KLF8: variants seen among roughly 807,000 people sequenced by gnomAD.
KLF8 encodes the protein KLF transcription factor 8.
KLF8 carries 10 observed loss-of-function variants against 18.2 expected under a neutral mutation model. That is an observed-to-expected ratio of 0.55 (90% CI 0.34 to 0.93). The LOEUF (loss-of-function observed/expected upper bound fraction) is 0.93. Ranked by LOEUF, KLF8 falls within the 40% of genes least tolerant of loss-of-function variation. KLF8 has a pLI of 0.02. For synonymous variants in KLF8, 109 were observed against 97.3 expected (o/e 1.12, Z -0.71); for missense variants, 264 against 277.9 (o/e 0.95, Z 0.36).
the KLF8 span, among the ~76,000 whole-genome samples, chrX:56,194,903 G>C: frequency 1.8e-5 from 2 of 112,453 alleles, no homozygotes; most frequent in African/African-American, 6.5e-5. Flanking sequence ...AATATTTGCT[G>C]TTCTGCAGCC....
chrX:56,266,839 G>A (rs1230724036), intron 3 of KLF8: 4 of 751,933 alleles, frequency 5.3e-6, no homozygotes, highest in Middle Eastern at 7.4e-4. Flanking sequence ...ACTAAATGTA[G>A]GAGGCTGAAA....
chrX:56,277,576 C>A (rs1211945384), intron 5 of KLF8, among the ~76,000 whole-genome samples: 1 of 112,170 alleles, frequency 8.9e-6, no homozygotes, highest in Non-Finnish European at 1.9e-5. Context: ...GTGGCCACCA[C>A]CACTCGGACG....
chrX:55,925,320 C>A, the KLF8 span, among the ~76,000 whole-genome samples: 1 of 108,822 alleles, frequency 9.2e-6, no homozygotes. Context: ...ATGTATTAAC[C>A]AGACAAAAGG....
chrX:56,003,277 G>A, the KLF8 span, among the ~76,000 whole-genome samples: 2 of 110,738 alleles, frequency 1.8e-5, no homozygotes, highest in Admixed American at 1.9e-4. Context: ...GGGCATCGTG[G>A]TGTGATCCTA....
the KLF8 span, among the ~76,000 whole-genome samples, chrX:56,203,132 G>A: frequency 8.9e-6 from 1 of 111,948 alleles, no homozygotes; most frequent in Non-Finnish European, 1.9e-5. Flanking sequence ...AACTGGAGTG[G>A]ATGACATTTC....
At chrX:56,156,335 G>A in the KLF8 span, among the ~76,000 whole-genome samples, 4 of 110,599 alleles carry the variant, frequency 3.6e-5, no homozygotes, top group Non-Finnish European at 7.6e-5. Context: ...TCATCACCCA[G>A]GTATTAAGCC....
chrX:55,958,490 G>A, the KLF8 span, among the ~76,000 whole-genome samples: 1 of 111,662 alleles, frequency 9.0e-6, no homozygotes, highest in Non-Finnish European at 1.9e-5. Flanking sequence ...AATGGGGGAT[G>A]GGTAATTTTT....
At chrX:56,243,786 G>A (rs983807987) in intron 1 of KLF8, among the ~76,000 whole-genome samples, 4 of 109,631 alleles carry the variant, frequency 3.6e-5, no homozygotes, top group Non-Finnish European at 5.7e-5. Flanking sequence ...CACCTGCCAC[G>A]GCCTCCAAAA....
At chrX:56,054,093 T>C in the KLF8 span, among the ~76,000 whole-genome samples, 1 of 109,759 alleles carries the variant, frequency 9.1e-6, no homozygotes, top group Non-Finnish European at 1.9e-5. Flanking sequence ...GATGTTAAGT[T>C]GTTAAATTGA....
chrX:56,240,899 A>T (rs1381402326), intron 1 of KLF8, among the ~76,000 whole-genome samples: 1 of 111,761 alleles, frequency 8.9e-6, no homozygotes, highest in Non-Finnish European at 1.9e-5. Flanking sequence ...AATTGTGAAA[A>T]TTAAATATGT....
chrX:56,090,822 TCA>T, the KLF8 span, among the ~76,000 whole-genome samples: 1 of 111,639 alleles, frequency 9.0e-6, no homozygotes, highest in Non-Finnish European at 1.9e-5. Flanking sequence ...ATTTTTCCCC[TCA>T]GTCCATGTGT....
At chrX:56,203,401 C>A in the KLF8 span, among the ~76,000 whole-genome samples, 1 of 111,894 alleles carries the variant, frequency 8.9e-6, no homozygotes, top group African/African-American at 3.2e-5. Context: ...TGATTGTAAC[C>A]TTTGCTGTGC....
the KLF8 span, among the ~76,000 whole-genome samples, chrX:56,155,767 G>C: frequency 1.8e-5 from 2 of 111,201 alleles, no homozygotes; most frequent in Non-Finnish European, 3.8e-5. Context: ...CACCCTGATA[G>C]TGAACACAGT....
At chrX:55,981,420 A>C in the KLF8 span, among the ~76,000 whole-genome samples, 1 of 112,004 alleles carries the variant, frequency 8.9e-6, no homozygotes, top group Non-Finnish European at 1.9e-5. Flanking sequence ...CCAACTCCTC[A>C]GGATACTTTC....
At chrX:56,252,776 C>A (rs779544810) in intron 2 of KLF8, among the ~76,000 whole-genome samples, 2 of 112,120 alleles carry the variant, frequency 1.8e-5, no homozygotes, top group Non-Finnish European at 3.8e-5. Context: ...GCTCAATTTT[C>A]AATTTTTTTG....
At chrX:56,071,138 G>C in the KLF8 span, among the ~76,000 whole-genome samples, 1 of 111,738 alleles carries the variant, frequency 8.9e-6, no homozygotes, top group South Asian at 3.8e-4. Flanking sequence ...AATAACCTCA[G>C]CAGAAGCATT....
chrX:56,044,219 G>T, the KLF8 span, among the ~76,000 whole-genome samples: 2 of 42,043 alleles, frequency 4.8e-5, no homozygotes, highest in African/African-American at 9.9e-5. Context: ...CCTGTTCCTG[G>T]CCTGTACACC....
intron 2 of KLF8, among the ~76,000 whole-genome samples, 181 bp downstream of exon 2, chrX:56,250,485 G>A (rs935169365): frequency 9.0e-6 from 1 of 111,609 alleles, no homozygotes; most frequent in African/African-American, 3.3e-5. Flanking sequence ...CAGCTGGGGA[G>A]TAGATCTGGC....
At chrX:56,176,956 G>A in the KLF8 span, among the ~76,000 whole-genome samples, 9 of 111,474 alleles carry the variant, frequency 8.1e-5, no homozygotes, top group African/African-American at 2.3e-4. Flanking sequence ...AGCTCCATCA[G>A]GTCCTTTAAG....
Sources: allele counts gnomAD v4.1 joint callset (sites outside exome capture counted in the v4.1 genomes callset), GRCh38; gene constraint gnomAD v4.1.1; transcripts MANE v1.5; gene names NCBI Gene and HGNC (gene_info 2026-07-23, HGNC 2026-07-21).